Variants in STMN1 observed in about 807,000 individuals in gnomAD.
STMN1 encodes stathmin.
In STMN1, 3 loss-of-function variants were observed where a neutral mutation model predicts 19.7. The ratio of observed to expected loss-of-function variants is 0.15; its 90% confidence interval spans 0.07 to 0.39. The LOEUF is 0.39. STMN1 is among the 10% of genes least tolerant of loss of function. STMN1 has a pLI of 1.00. For missense variants in STMN1, 99 were observed against 176.0 expected (o/e 0.56, Z 2.48); for synonymous variants, 59 against 58.9 (o/e 1.00, Z -0.01).
At chr1:25,901,391 A>G in intron 4 of STMN1, 100 bp downstream of exon 4, 1 of 1,415,592 alleles carries the variant, frequency 7.1e-7, no homozygotes, top group Non-Finnish European at 9.6e-7. Flanking sequence ...AATGGATGAC[A>G]AAAAGACACC....
chr1:25,903,508 T>C (rs543358411), intron 3 of STMN1, 133 bp downstream of exon 3: 5 of 1,225,834 alleles, frequency 4.1e-6, no homozygotes, highest in African/African-American at 1.5e-5. Flanking sequence ...AGGACTGGTA[T>C]TTCCTTCCAG....
chr1:25,887,926 C>A (rs2048738520), intron 4 of STMN1, among the ~76,000 whole-genome samples: 1 of 152,168 alleles, frequency 6.6e-6, no homozygotes, highest in Non-Finnish European at 1.5e-5. Flanking sequence ...ACTTCGTGAT[C>A]CACCCACCTC....
chr1:25,898,270 T>C (rs565187997), downstream of STMN1, among the ~76,000 whole-genome samples: 20 of 152,348 alleles, frequency 1.3e-4, no homozygotes, highest in East Asian at 1.9e-4. Flanking sequence ...AAGTGCTTTA[T>C]TGGGGTTTGG....
At chr1:25,889,166 T>A in intron 4 of STMN1, 1 of 330,064 alleles carries the variant, frequency 3.0e-6, no homozygotes, top group East Asian at 8.0e-5. Flanking sequence ...ACAATCACAT[T>A]ACCATATCAA....
upstream of STMN1, chr1:25,906,447 A>G (rs2048952769): frequency 6.5e-6 from 1 of 153,788 alleles, no homozygotes; most frequent in South Asian, 2.0e-4. The surrounding 1 kb of genome is among the most constrained non-coding windows in gnomAD (Gnocchi z 4.5). Context: ...GGCGCGCACA[A>G]AAGCGCCAAA....
chr1:25,885,804 G>C (rs374629601), exon 5 of STMN1: 6 of 1,551,556 alleles, frequency 3.9e-6, no homozygotes, highest in Non-Finnish European at 5.2e-6. Context: ...GAACAGAGTG[G>C]AGACAAGATT....
At chr1:25,901,168 A>AC in intron 4 of STMN1, 81 bp from the exon 5 acceptor site, 1 of 1,541,714 alleles carries the variant, frequency 6.5e-7, no homozygotes, top group Non-Finnish European at 8.7e-7. Flanking sequence ...CCCAGCCCCC[A>AC]CCTCAAAGAG....
chr1:25,893,755 G>A (rs113335057), intron 4 of STMN1, among the ~76,000 whole-genome samples: 122 of 152,242 alleles, frequency 8.0e-4, no homozygotes, highest in African/African-American at 2.8e-3. Flanking sequence ...TGGCCAAGCC[G>A]GTCTCAAACT....
At position 25,904,680 on chromosome 1, in the gene STMN1, G is replaced by C. The variant is rs369136742; in HGVS notation, c.-4C>G. ...ATTACCTACCAGAAGAAGCCATGGT[G>C]AATAGAAGACAAGCGACAGGCAGTG... On this transcript the variant is annotated 5_prime_UTR_variant, in exon 2 of 5. Transcript: ENST00000455785. The C allele has an allele frequency of 1.2e-4, 189 of 1,613,684 alleles. No homozygotes were observed. Among genetic ancestry groups the C allele is most frequent in the Non-Finnish European group, 1.5e-4 (182 of 1,179,862 alleles).
At chr1:25,901,763 A>T in intron 3 of STMN1, 81 bp from the exon 4 acceptor site, 7 of 1,409,418 alleles carry the variant, frequency 5.0e-6, no homozygotes, top group Non-Finnish European at 6.6e-6. Flanking sequence ...TAATCCCAGC[A>T]CTTTGGGAGG....
At chr1:25,892,681 G>A (rs941562546) in intron 4 of STMN1, 25 of 797,686 alleles carry the variant, frequency 3.1e-5, no homozygotes, top group South Asian at 2.3e-4. Context: ...AAACGCCCCC[G>A]GGCCTCTCAT....
intron 2 of STMN1, 40 bp from the exon 3 acceptor site, chr1:25,903,853 C>G: frequency 6.4e-7 from 1 of 1,560,302 alleles, no homozygotes; most frequent in Non-Finnish European, 8.6e-7. Flanking sequence ...AACCAGGATT[C>G]TCCTGTTCTA....
At chr1:25,901,464 A>G (rs2048873235) in intron 4 of STMN1, 27 bp downstream of exon 4, 2 of 1,584,766 alleles carry the variant, frequency 1.3e-6, no homozygotes, top group African/African-American at 1.4e-5. Flanking sequence ...CTCCAAGCTC[A>G]ACCCTTTTAC....
In STMN1 at chr1:25,901,527, T is replaced by G; in HGVS notation, c.342A>C (p.Ala114=). Residue 114 remains alanine, a synonymous_variant, in exon 4 of 5, where the codon GCA becomes GCC. Coordinates refer to ENST00000455785, the MANE Select transcript of STMN1 (RefSeq NM_005563.4). Reference sequence around the variant, plus strand: ...AACGTTCCAGTTTGGCAGCCATTTGTGCCTCTCGGTTCTCTTTATTAGCTT... The same window carrying G: ...AACGTTCCAGTTTGGCAGCCATTTGGGCCTCTCGGTTCTCTTTATTAGCTT... ...KMEANKENRE[A]QMAAKLERLR... The G allele has an allele frequency of 6.2e-7, 1 of 1,611,926 alleles. No homozygotes were observed. Among genetic ancestry groups the G allele is most frequent in the Non-Finnish European group, 8.5e-7 (1 of 1,179,424 alleles).
downstream of STMN1, among the ~76,000 whole-genome samples, chr1:25,898,823 G>A (rs538837039): frequency 2.0e-5 from 3 of 152,334 alleles, no homozygotes; most frequent in South Asian, 4.1e-4. Context: ...AGAGAATGCC[G>A]GGCCCGGGAA....
At chr1:25,888,162 G>C (rs2048741205) in intron 4 of STMN1, among the ~76,000 whole-genome samples, 1 of 152,122 alleles carries the variant, frequency 6.6e-6, no homozygotes, top group African/African-American at 2.4e-5. Context: ...GAACACCTCC[G>C]TCAGAGGTAG....
At chr1:25,901,863 A>C (rs1207100298) in intron 3 of STMN1, 181 bp from the exon 4 acceptor site, 1 of 430,474 alleles carries the variant, frequency 2.3e-6, no homozygotes, top group Non-Finnish European at 3.9e-6. Flanking sequence ...TACAAAAATT[A>C]GCCGGGCGTG....
intron 4 of STMN1, among the ~76,000 whole-genome samples, chr1:25,892,004 G>C (rs566110791): frequency 3.0e-4 from 46 of 152,330 alleles, no homozygotes; most frequent in African/African-American, 1.1e-3. Context: ...AGCTCTTAGA[G>C]CCAGAACCGG....
In STMN1 at chr1:25,900,227, C is replaced by T. The variant is rs1454113659; in HGVS notation, c.*789G>A. The T allele has an allele frequency of 2.0e-5, 20 of 985,718 alleles. No homozygotes were observed. In the Admixed American group the frequency reaches 1.2e-3, roughly 61 times the overall value. The allele number at this position is 985,718 out of a possible 1,614,324, so 61.1% of individuals were successfully genotyped here. ...CCTGTAACGTAGAGCAAGCAAACCA[C>T]CAAGTAGAATCTTGAGATTCTCTCT... On this transcript the variant is annotated 3_prime_UTR_variant, in exon 5 of 5. Coordinates refer to ENST00000455785, the MANE Select transcript of STMN1 (RefSeq NM_005563.4).
Sources: allele counts gnomAD v4.1 joint callset (sites outside exome capture counted in the v4.1 genomes callset), GRCh38; gene constraint gnomAD v4.1.1; non-coding constraint Gnocchi (gnomAD v3.1); transcripts MANE v1.5; gene names NCBI Gene and HGNC (gene_info 2026-07-23, HGNC 2026-07-21).